CSMD1: variants seen among roughly 807,000 people sequenced by gnomAD.
CSMD1 encodes CUB and sushi domain-containing protein 1.
In CSMD1, 213 loss-of-function variants were observed where a neutral mutation model predicts 417.5. The ratio of observed to expected loss-of-function variants is 0.51; its 90% CI spans 0.46 to 0.57. The LOEUF is 0.57. CSMD1 is among the 20% of genes least tolerant of loss of function. The pLI, the probability that CSMD1 is intolerant of heterozygous loss-of-function variation, is 0.00. For synonymous variants in CSMD1, 2,862 were observed against 1,736.8 expected (o/e 1.65, Z -16.11); for missense variants, 6,923 against 4,529.7 (o/e 1.53, Z -15.17).
intron 3 of CSMD1, among the ~76,000 whole-genome samples, chr8:4,333,977 A>G (rs964794907): frequency 6.6e-6 from 1 of 151,974 alleles, no homozygotes; most frequent in Non-Finnish European, 1.5e-5. Context: ...CTGCAGTCTT[A>G]ATGTTCTGCC....
intron 10 of CSMD1, among the ~76,000 whole-genome samples, chr8:3,523,961 A>C (rs1446113680): frequency 6.6e-6 from 1 of 150,886 alleles, no homozygotes; most frequent in Non-Finnish European, 1.5e-5. Flanking sequence ...ACACATGCAC[A>C]CTTACACATG....
intron 8 of CSMD1, among the ~76,000 whole-genome samples, chr8:3,592,659 C>T (rs1013154663): frequency 4.0e-5 from 6 of 151,568 alleles, no homozygotes; most frequent in South Asian, 2.1e-4. Context: ...TGTGTGTTTA[C>T]GTGTGTGTGC....
intron 3 of CSMD1, among the ~76,000 whole-genome samples, chr8:4,297,857 G>A (rs1044500984): frequency 2.0e-5 from 3 of 152,086 alleles, no homozygotes; most frequent in Admixed American, 2.0e-4. Context: ...CATTGCTGGT[G>A]GTCCTGCACT....
chr8:3,581,465 G>A (rs1800379933), intron 9 of CSMD1, among the ~76,000 whole-genome samples: 1 of 152,146 alleles, frequency 6.6e-6, no homozygotes, highest in South Asian at 2.1e-4. Context: ...GTAAGCATTG[G>A]CTAACCACAC....
chr8:3,121,840 G>A (rs950863562), intron 41 of CSMD1, among the ~76,000 whole-genome samples: 4 of 151,902 alleles, frequency 2.6e-5, no homozygotes, highest in Non-Finnish European at 5.9e-5. Context: ...CAGATACAAA[G>A]GAGTATTGCC....
chr8:4,739,226 G>C (rs1041729885), intron 1 of CSMD1, among the ~76,000 whole-genome samples: 6 of 152,108 alleles, frequency 3.9e-5, no homozygotes, highest in Non-Finnish European at 5.9e-5. Context: ...ATCCTATGTT[G>C]TTGAGCCTGC....
At position 3,491,367 on chromosome 8, in the gene CSMD1, A is replaced by T. The variant is rs148753600; in HGVS notation, c.1448+2256T>A. 5.9e-3 allele frequency among the ~76,000 whole-genome samples: 899 copies of T among 152,300 alleles called. 10 individuals are homozygous for T. Among genetic ancestry groups the T allele is most frequent in the African/African-American group, 0.02 (819 of 41,562 alleles). ...ATGATATTATTAGACCCAAATTCCC[A>T]GGATTATAGTAAAGATCAAATAAGG... is the stretch of plus-strand genomic sequence containing the variant. On this transcript the variant is annotated intron_variant, in intron 11 of 69. Coordinates refer to ENST00000635120, the MANE Select transcript of CSMD1 (RefSeq NM_033225.6).
intron 3 of CSMD1, among the ~76,000 whole-genome samples, chr8:4,348,170 C>A (rs36112676): frequency 0.34 from 51,526 of 151,958 alleles, 9,336 homozygotes; most frequent in African/African-American, 0.46. Flanking sequence ...ATATTTACTG[C>A]ATATGATCTC....
chr8:3,643,581 G>A (rs1417976746), intron 7 of CSMD1, among the ~76,000 whole-genome samples: 1 of 151,676 alleles, frequency 6.6e-6, no homozygotes, highest in African/African-American at 2.4e-5. Context: ...GGCGCCTGTA[G>A]TCCCAACTAC....
intron 1 of CSMD1, among the ~76,000 whole-genome samples, chr8:4,818,383 A>C (rs1023431505): frequency 1.3e-5 from 2 of 152,212 alleles, no homozygotes; most frequent in South Asian, 2.1e-4. Context: ...TGCCATGGAA[A>C]GCTCCCCTTG....
chr8:3,817,344 G>C (rs906804344), intron 5 of CSMD1, among the ~76,000 whole-genome samples: 1 of 131,408 alleles, frequency 7.6e-6, no homozygotes, highest in Non-Finnish European at 1.5e-5. Flanking sequence ...ACAGTGGCGG[G>C]ATCTTGGCTC....
intron 1 of CSMD1, among the ~76,000 whole-genome samples, chr8:4,889,991 G>C (rs1032377458): frequency 6.6e-6 from 1 of 152,078 alleles, no homozygotes; most frequent in Non-Finnish European, 1.5e-5. Context: ...AGAAATATAT[G>C]ACTTCAGGTA....
chr8:4,974,834 G>A (rs529548784), intron 1 of CSMD1, among the ~76,000 whole-genome samples: 4 of 152,248 alleles, frequency 2.6e-5, no homozygotes, highest in East Asian at 1.9e-4. Flanking sequence ...TCCCAATGAT[G>A]ATGTATGTTA....
chr8:4,764,363 G>A (rs558776587), intron 1 of CSMD1, among the ~76,000 whole-genome samples: 2 of 152,202 alleles, frequency 1.3e-5, no homozygotes, highest in East Asian at 1.9e-4. Context: ...AATTCACAAA[G>A]GAGCAATCAT....
intron 16 of CSMD1, among the ~76,000 whole-genome samples, chr8:3,397,267 G>A (rs57424198): frequency 0.018 from 2,799 of 152,282 alleles, 89 homozygotes; most frequent in African/African-American, 0.065. Context: ...GGATCCCACG[G>A]AAGCCTGTGC....
At chr8:4,306,773 C>A (rs1202898303) in intron 3 of CSMD1, among the ~76,000 whole-genome samples, 1 of 152,076 alleles carries the variant, frequency 6.6e-6, no homozygotes, top group Non-Finnish European at 1.5e-5. Context: ...TGCGAGTCCA[C>A]AGATCAGCCC....
At chr8:4,506,670 T>A (rs566516887) in intron 2 of CSMD1, among the ~76,000 whole-genome samples, 1 of 152,308 alleles carries the variant, frequency 6.6e-6, no homozygotes, top group Admixed American at 6.5e-5. Flanking sequence ...CAGTGTGTTT[T>A]TCACAGAGCT....
At chr8:3,328,390 C>T (rs1290578525) in intron 23 of CSMD1, among the ~76,000 whole-genome samples, 1 of 152,182 alleles carries the variant, frequency 6.6e-6, no homozygotes, top group Non-Finnish European at 1.5e-5. Context: ...TACAGTTTAT[C>T]CACCTATCAG....
intron 5 of CSMD1, among the ~76,000 whole-genome samples, chr8:3,768,002 C>G (rs753793254): frequency 3.9e-5 from 6 of 152,218 alleles, no homozygotes; most frequent in Admixed American, 6.5e-5. Flanking sequence ...CTTTGCAGTT[C>G]CAAACTCCAT....
Sources: gnomAD v4.1 joint callset for allele counts (sites outside exome capture counted in the v4.1 genomes callset) on GRCh38, gnomAD v4.1.1 for gene constraint, MANE v1.5 for transcripts, NCBI Gene and HGNC (gene_info 2026-07-23, HGNC 2026-07-21) for gene names.